The following ACTL6A variants were observed in gnomAD, a reference collection of about 807,000 sequenced individuals.
The protein encoded by ACTL6A is actin-like protein 6A.
A neutral mutation model predicts 59.2 loss-of-function variants in ACTL6A; 5 were observed. The ratio of observed to expected loss-of-function variants is 0.08; its 90% CI spans 0.04 to 0.18. The LOEUF (loss-of-function observed/expected upper bound fraction) is 0.18. Among genes scored for constraint, ACTL6A ranks in the 10% least tolerant of loss-of-function variants. The pLI, the probability that ACTL6A is intolerant of heterozygous loss-of-function variation, is 1.00. For missense variants in ACTL6A, 285 were observed against 526.9 expected (o/e 0.54, Z 4.49); for synonymous variants, 154 against 171.8 (o/e 0.90, Z 0.81).
At chr3:179,572,819 AG>A (rs1402112056) in intron 3 of ACTL6A, among the ~76,000 whole-genome samples, 1 of 152,184 alleles carries the variant, frequency 6.6e-6, no homozygotes, top group Non-Finnish European at 1.5e-5. Flanking sequence ...AAAAGAAAAA[AG>A]AAGGTCATTA....
Position 179,570,240 on chromosome 3 carries a change from G to A in ACTL6A, c.276G>A (p.Met92Ile), listed in dbSNP as rs150747687. The change falls in exon 3 of 14, where the codon ATG becomes ATA. Residue 92 changes from methionine to isoleucine, a missense_variant and splice_region_variant. Transcript: ENST00000429709. This position sits in a 1 kb window ranked among gnomAD's most constrained non-coding sequence, Gnocchi z 4.3. ...CCATTTCACCTCTAAAAAATGGGAT[G>A]GGTATGATGTTTTCCCCATGGAATT... ...MEAISPLKNG[M>I]VEDWDSFQAI... 1.3e-5 allele frequency: 21 copies of A among 1,610,724 alleles called. No homozygotes were observed. The African/African-American group carries it at 2.0e-4, about 15-fold the overall frequency.
Position 179,563,006 on chromosome 3 carries a change from G to C in ACTL6A, c.-87G>C, listed in dbSNP as rs547726838. 1.3e-6 allele frequency: 2 copies of C among 1,546,304 alleles called. No homozygotes were observed. The highest frequency in any genetic ancestry group is 1.2e-5 in the South Asian group (1 of 86,628). On this transcript the variant is annotated 5_prime_UTR_variant, in exon 1 of 14. Coordinates refer to ENST00000429709, the MANE Select transcript of ACTL6A (RefSeq NM_004301.5). The stretch of plus-strand genomic sequence containing the variant: ...GCGGTGGAAGTTAAGGGAGTCAGGG[G>C]CTATCGCTCCTCGAGACTCGCAGTC...
Position 179,570,249 on chromosome 3 carries a change from G to GTTT in ACTL6A, c.277+10_277+12dup, listed in dbSNP as rs750767974. ...CTCTAAAAAATGGGATGGGTATGAT[G>GTTT]TTTTCCCCATGGAATTGATTATGGA... On this transcript the variant is annotated intron_variant, in intron 3 of 13. Transcript: ENST00000429709. This position sits in a 1 kb window ranked among gnomAD's most constrained non-coding sequence, Gnocchi z 4.3. 6.2e-7 allele frequency: 1 copy of GTTT among 1,608,060 alleles called. No homozygotes were observed. The highest frequency in any genetic ancestry group is 8.5e-7 in the Non-Finnish European group (1 of 1,176,986).
At chr3:179,583,473 G>A (rs2108369732) in intron 12 of ACTL6A, 25 bp downstream of exon 12, 1 of 1,547,874 alleles carries the variant, frequency 6.5e-7, no homozygotes. Context: ...TTCTTTAATG[G>A]TATTCTTCAG....
chr3:179,572,209 G>T (rs905806896), intron 3 of ACTL6A, among the ~76,000 whole-genome samples: 14 of 152,040 alleles, frequency 9.2e-5, no homozygotes, highest in African/African-American at 3.4e-4. Context: ...ACCCTTGAAG[G>T]AGAAAGAAAG....
At chr3:179,584,238 TATA>T (rs1576859111) in intron 12 of ACTL6A, 1 of 152,234 alleles carries the variant, frequency 6.6e-6, no homozygotes, top group South Asian at 2.1e-4. Flanking sequence ...GTGGGTATAT[TATA>T]ATAACTTTTA....
At chr3:179,586,177 CTCA>C (rs1718480971) in intron 12 of ACTL6A, among the ~76,000 whole-genome samples, 2 of 152,128 alleles carry the variant, frequency 1.3e-5, no homozygotes, top group South Asian at 2.1e-4. Context: ...TGTATGTTTT[CTCA>C]TCATATAATC....
chr3:179,569,992 A>C, intron 2 of ACTL6A, 75 bp from the exon 3 acceptor site: 1 of 1,577,524 alleles, frequency 6.3e-7, no homozygotes, highest in Non-Finnish European at 8.6e-7. Context: ...AAATATAATA[A>C]AATACATTAA....
intron 10 of ACTL6A, 65 bp from the exon 11 acceptor site, chr3:179,581,075 A>G (rs1718325384): frequency 6.2e-7 from 1 of 1,600,180 alleles, no homozygotes; most frequent in Admixed American, 1.7e-5. Context: ...TGTGGCTAAA[A>G]TGTTTTGGAT....
rs1362307926 is a variant in ACTL6A, at chr3:179,570,136, G to T, written c.172G>T (p.Gly58Cys). 9 of 1,613,968 alleles carry T rather than the reference G, an allele frequency of 5.6e-6. No homozygotes were observed. Among genetic ancestry groups the T allele is most frequent in the Non-Finnish European group, 7.6e-6 (9 of 1,180,018 alleles). The change falls in exon 3 of 14, where the codon GGC (glycine) becomes TGC (cysteine). Residue 58 changes from glycine to cysteine, a missense_variant. Transcript: ENST00000429709. The surrounding 1 kb of genome is among the most constrained non-coding windows in gnomAD (Gnocchi z 4.3). ...CGGAAGCACATTAATGGAAATAGAT[G>T]GCGATAAAGGCAAACAAGGCGGTCC... ...DDGSTLMEID[G>C]DKGKQGGPTY...
chr3:179,580,518 G>A, intron 8 of ACTL6A, 122 bp from the exon 9 acceptor site: 1 of 661,346 alleles, frequency 1.5e-6, no homozygotes, highest in East Asian at 2.9e-5. Context: ...CTCTTGAAAT[G>A]ATTTACCCAT....
At chr3:179,575,929 T>C (rs939296111) in intron 5 of ACTL6A, among the ~76,000 whole-genome samples, 12 of 152,232 alleles carry the variant, frequency 7.9e-5, no homozygotes, top group African/African-American at 2.9e-4. Flanking sequence ...CCAGAGACTT[T>C]TAGTGATTGT....
Position 179,588,069 on chromosome 3 carries a change from T to C in ACTL6A, c.*59T>C. On this transcript the variant is annotated 3_prime_UTR_variant, in exon 14 of 14. Coordinates refer to ENST00000429709, the MANE Select transcript of ACTL6A (RefSeq NM_004301.5). ...CACCTTACGTTTCATAGCTTTAGTA[T>C]ACTCAGGAAAAGAATGACCATCTTT... is the stretch of plus-strand genomic sequence containing the variant. 7.8e-7 allele frequency: 1 copy of C among 1,288,910 alleles called. No homozygotes were observed. Among genetic ancestry groups the C allele is most frequent in the Non-Finnish European group, 1.1e-6 (1 of 931,156 alleles). 79.8% of individuals were successfully genotyped at this position (1,288,910 alleles called of 1,614,324 possible). A position where few individuals can be genotyped will look rare whatever the true frequency, so the allele number is the denominator to read the frequency against.
chr3:179,575,512 G>T (rs1414873150), intron 5 of ACTL6A: 1 of 450,512 alleles, frequency 2.2e-6, no homozygotes, highest in African/African-American at 2.0e-5. Flanking sequence ...CAGGTGAGCA[G>T]CCTCCCTCCT....
chr3:179,587,151 T>TC (rs1718521165), intron 13 of ACTL6A, among the ~76,000 whole-genome samples: 1 of 152,132 alleles, frequency 6.6e-6, no homozygotes, highest in Admixed American at 6.6e-5. Context: ...TTTCTCCCCT[T>TC]ATATACAGTT....
At chr3:179,586,791 G>A (rs1455830524) in intron 13 of ACTL6A, 159 bp downstream of exon 13, 2 of 600,298 alleles carry the variant, frequency 3.3e-6, no homozygotes, top group Admixed American at 3.9e-5. Context: ...GTGTTCTGAT[G>A]TAACAAAATG....
chr3:179,568,152 G>A (rs1157054800), intron 1 of ACTL6A, among the ~76,000 whole-genome samples: 3 of 137,236 alleles, frequency 2.2e-5, no homozygotes, highest in Non-Finnish European at 4.6e-5. Flanking sequence ...AGCCTGGGCA[G>A]CAATACAGCA....
chr3:179,569,548 T>A (rs984094289), intron 1 of ACTL6A, among the ~76,000 whole-genome samples: 1 of 152,164 alleles, frequency 6.6e-6, no homozygotes, highest in East Asian at 1.9e-4. Flanking sequence ...AGTAATAATA[T>A]GAATATAATT....
intron 13 of ACTL6A, among the ~76,000 whole-genome samples, chr3:179,586,904 C>T (rs1363324927): frequency 6.6e-6 from 1 of 152,116 alleles, no homozygotes; most frequent in African/African-American, 2.4e-5. Flanking sequence ...AATAATACCC[C>T]CATTGGCACT....
Sources: allele counts gnomAD v4.1 joint callset (sites outside exome capture counted in the v4.1 genomes callset), GRCh38; gene constraint gnomAD v4.1.1; non-coding constraint Gnocchi (gnomAD v3.1); transcripts MANE v1.5; gene names NCBI Gene and HGNC (gene_info 2026-07-23, HGNC 2026-07-21).